The following SH3RF3 variants were observed in gnomAD, a reference collection of about 807,000 sequenced individuals.
SH3RF3 encodes the protein SH3 domain containing ring finger 3, also known as E3 ubiquitin-protein ligase SH3RF3.
In SH3RF3, 29 loss-of-function variants were observed where a neutral mutation model predicts 66.3. That is an observed-to-expected ratio of 0.44 (90% CI 0.33 to 0.60). The LOEUF (loss-of-function observed/expected upper bound fraction) is 0.60, where lower values mean the gene tolerates loss of function less well. Among genes scored for constraint, SH3RF3 ranks in the 20% least tolerant of loss-of-function variants. The pLI is 0.04. For synonymous variants in SH3RF3, 583 were observed against 532.0 expected (o/e 1.10, Z -1.32); for missense variants, 1,194 against 1,190.9 (o/e 1.00, Z -0.04).
At chr2:109,214,995 C>G (rs1433972770) in intron 1 of SH3RF3, among the ~76,000 whole-genome samples, 6 of 152,176 alleles carry the variant, frequency 3.9e-5, no homozygotes, top group Non-Finnish European at 8.8e-5. Flanking sequence ...TTGGTGGAGG[C>G]AGAGTAAGAT....
Position 109,490,743 on chromosome 2 carries a change from G to C in SH3RF3, c.2287G>C (p.Glu763Gln), listed in dbSNP as rs765405754. 3.9e-6 allele frequency: 6 copies of C among 1,536,348 alleles called. No homozygotes were observed. The East Asian group carries it at 1.5e-4, about 38-fold the overall frequency. The change falls in exon 9 of 10, where the codon GAA (glutamate) becomes CAA (glutamine). Residue 763 changes from glutamate to glutamine, a missense_variant. Physicochemically the swap from Glu to Gln is conservative, Grantham distance 29. Coordinates refer to ENST00000309415, the MANE Select transcript of SH3RF3 (RefSeq NM_001099289.3). ...DALLQGAVGP[E>Q]VSSLSIHGRA... Reference sequence around the variant, plus strand: ...CCTGCTCCAAGGTGCAGTGGGCCCCGAAGTGTCCTCACTGTCCATCCACGG... The same window carrying C: ...CCTGCTCCAAGGTGCAGTGGGCCCCCAAGTGTCCTCACTGTCCATCCACGG...
At chr2:109,157,623 C>G (rs1396424035) in intron 1 of SH3RF3, among the ~76,000 whole-genome samples, 1 of 152,162 alleles carries the variant, frequency 6.6e-6, no homozygotes, top group Non-Finnish European at 1.5e-5. Context: ...GAATCCCAGT[C>G]TAGTGTGCTT....
At chr2:109,277,047 A>G (rs1680774368) in intron 1 of SH3RF3, among the ~76,000 whole-genome samples, 1 of 152,160 alleles carries the variant, frequency 6.6e-6, no homozygotes, top group African/African-American at 2.4e-5. Flanking sequence ...GGCAGGCACC[A>G]TGCTCTGTGC....
At chr2:109,188,430 T>C (rs1218889217) in intron 1 of SH3RF3, among the ~76,000 whole-genome samples, 1 of 152,206 alleles carries the variant, frequency 6.6e-6, no homozygotes. Context: ...GGCCCAGCCA[T>C]CCACACAACA....
intron 1 of SH3RF3, among the ~76,000 whole-genome samples, chr2:109,233,779 A>G (rs1679578125): frequency 1.3e-5 from 2 of 152,192 alleles, no homozygotes; most frequent in Admixed American, 6.5e-5. Flanking sequence ...GCATTTCCAG[A>G]ATGCCATATA....
At chr2:109,165,361 G>C (rs571190825) in intron 1 of SH3RF3, among the ~76,000 whole-genome samples, 1 of 152,284 alleles carries the variant, frequency 6.6e-6, no homozygotes, top group African/African-American at 2.4e-5. Flanking sequence ...AGGAGATGTT[G>C]GCGGATGCTG....
intron 7 of SH3RF3, among the ~76,000 whole-genome samples, chr2:109,447,380 G>A (rs1677741090): frequency 6.6e-6 from 1 of 152,114 alleles, no homozygotes; most frequent in Non-Finnish European, 1.5e-5. Flanking sequence ...ACTTCCCGTG[G>A]CCTCCAAACG....
chr2:109,258,588 G>T (rs959068194), intron 1 of SH3RF3, among the ~76,000 whole-genome samples: 1 of 152,192 alleles, frequency 6.6e-6, no homozygotes, highest in Admixed American at 6.5e-5. Flanking sequence ...CAGTCATCCC[G>T]CAATTCCCCA....
chr2:109,312,720 T>G (rs890704745), intron 1 of SH3RF3, among the ~76,000 whole-genome samples: 1 of 152,256 alleles, frequency 6.6e-6, no homozygotes, highest in Non-Finnish European at 1.5e-5. Flanking sequence ...CCTCTATAGC[T>G]GAAGAATGTC....
At position 109,335,810 on chromosome 2, in the gene SH3RF3, G is replaced by A. The variant is rs144709229; in HGVS notation, c.574-11864G>A. 7.9e-3 allele frequency among the ~76,000 whole-genome samples: 1,198 copies of A among 152,216 alleles called. 14 individuals are homozygous for A. The highest frequency in any genetic ancestry group is 0.027 in the African/African-American group (1,141 of 41,516). ...GTCCTAAAACCACTTCCTACCTTAC[G>A]CGGCTGTAGAGAGGATAAGAATGAA... On this transcript the variant is annotated intron_variant, in intron 1 of 9. Transcript: ENST00000309415.
intron 1 of SH3RF3, among the ~76,000 whole-genome samples, chr2:109,269,686 C>A (rs184506202): frequency 6.6e-6 from 1 of 152,086 alleles, no homozygotes; most frequent in African/African-American, 2.4e-5. Flanking sequence ...GGCTGAGGCA[C>A]GAGATTTGTT....
At chr2:109,359,040 T>C (rs1371664478) in intron 2 of SH3RF3, among the ~76,000 whole-genome samples, 8 of 152,242 alleles carry the variant, frequency 5.3e-5, no homozygotes, top group African/African-American at 1.7e-4. Context: ...AAAACTATCT[T>C]TTCTCCATTG....
chr2:109,332,566 C>T (rs1247166945), intron 1 of SH3RF3, among the ~76,000 whole-genome samples: 1 of 152,238 alleles, frequency 6.6e-6, no homozygotes, highest in Non-Finnish European at 1.5e-5. Context: ...GTTCAGCCCT[C>T]TCTGGACTAG....
intron 1 of SH3RF3, among the ~76,000 whole-genome samples, chr2:109,162,977 C>T (rs1677524686): frequency 6.6e-6 from 1 of 152,168 alleles, no homozygotes; most frequent in African/African-American, 2.4e-5. Context: ...GGGATTTGCA[C>T]CCTCTCTGAC....
chr2:109,234,713 C>CA (rs2105197203), intron 1 of SH3RF3, among the ~76,000 whole-genome samples: 1 of 152,338 alleles, frequency 6.6e-6, no homozygotes, highest in East Asian at 1.9e-4. Context: ...GCTGATAGCA[C>CA]ACAGGCTCTT....
intron 1 of SH3RF3, among the ~76,000 whole-genome samples, chr2:109,142,010 G>T (rs1676962199): frequency 6.6e-6 from 1 of 150,998 alleles, no homozygotes; most frequent in Non-Finnish European, 1.5e-5. Context: ...CCAGCCCCCT[G>T]CCCAAGTCCT....
At chr2:109,416,909 A>T (rs1676740095) in intron 4 of SH3RF3, among the ~76,000 whole-genome samples, 1 of 151,108 alleles carries the variant, frequency 6.6e-6, no homozygotes, top group African/African-American at 2.4e-5. Flanking sequence ...CATCTCAAAA[A>T]AAAAAAAAAA....
intron 1 of SH3RF3, among the ~76,000 whole-genome samples, chr2:109,283,625 G>A (rs1038716789): frequency 1.3e-5 from 2 of 152,214 alleles, no homozygotes; most frequent in African/African-American, 4.8e-5. Context: ...GCGCTGCAGG[G>A]AGCTGTACTG....
At chr2:109,136,726 T>G (rs184096955) in intron 1 of SH3RF3, among the ~76,000 whole-genome samples, 1 of 152,356 alleles carries the variant, frequency 6.6e-6, no homozygotes, top group East Asian at 1.9e-4. Context: ...GCATTTCCAC[T>G]TAATGTAATG....
Sources: allele counts gnomAD v4.1 joint callset (sites outside exome capture counted in the v4.1 genomes callset), GRCh38; gene constraint gnomAD v4.1.1; transcripts MANE v1.5; gene names NCBI Gene and HGNC (gene_info 2026-07-23, HGNC 2026-07-21).